The following APBB1IP variants were observed in gnomAD, a reference collection of about 807,000 sequenced individuals.
APBB1IP encodes amyloid beta precursor protein binding family B member 1 interacting protein, also known as amyloid beta A4 precursor protein-binding family B member 1-interacting protein.
In APBB1IP, 27 loss-of-function variants were observed where a neutral mutation model predicts 64.9. The observed-to-expected ratio is 0.42, with a 90% CI of 0.31 to 0.57. The LOEUF (loss-of-function observed/expected upper bound fraction) is 0.57, where lower values mean the gene tolerates loss of function less well. Among genes scored for constraint, APBB1IP ranks in the 20% least tolerant of loss-of-function variants. The probability of loss-of-function intolerance (pLI) is 0.20; values close to 1 mark genes in which losing one functional copy is unlikely to be tolerated. For missense variants in APBB1IP, 812 were observed against 845.5 expected, an observed-to-expected ratio of 0.96 and a Z score of 0.49; for synonymous variants, 392 against 331.0, an observed-to-expected ratio of 1.18 and a Z score of -2.00.
chr10:26,534,294 C>CAAAAAAAAAAAAAAAAA (rs71403804), intron 9 of APBB1IP, among the ~76,000 whole-genome samples: 1 of 58,692 alleles, frequency 1.7e-5, no homozygotes, highest in Non-Finnish European at 3.1e-5. Context: ...GATCCAGTCT[C>CAAAAAAAAAAAAAAAAA]AAAAAAAAAA....
At position 26,567,248 on chromosome 10, in the gene APBB1IP, G is replaced by A; in HGVS notation, c.1761G>A (p.Pro587=). The part of the protein sequence containing the change: ...EPPPDFVPPP[P]PSYAGIAGSE... ...CCCCAGACTTCGTGCCCCCGCCCCC[G>A]CCGTCGTACGCAGGGATCGCGGGCT... The change falls in exon 15 of 15, where the codon CCG becomes CCA. Residue 587 remains proline, a synonymous_variant. Transcript: ENST00000376236. The A allele has an allele frequency of 2.6e-6, 3 of 1,139,712 alleles. No individual in the cohort carries two copies. The highest frequency in any genetic ancestry group is 1.9e-5 in the South Asian group (1 of 51,658). 70.6% of individuals were successfully genotyped at this position (1,139,712 alleles called of 1,614,324 possible). A position where few individuals can be genotyped will look rare whatever the true frequency, so the allele number is the denominator to read the frequency against.
chr10:26,479,687 A>G (rs1357106402), intron 2 of APBB1IP, among the ~76,000 whole-genome samples: 2 of 152,176 alleles, frequency 1.3e-5, no homozygotes, highest in Non-Finnish European at 2.9e-5. Context: ...TTGCTGATGT[A>G]TTTTTGCTAC....
intron 2 of APBB1IP, among the ~76,000 whole-genome samples, chr10:26,484,236 CAAG>C (rs1835866639): frequency 6.6e-6 from 1 of 152,058 alleles, no homozygotes; most frequent in African/African-American, 2.4e-5. Context: ...TTGATAATCA[CAAG>C]AAGAGAAAAA....
chr10:26,555,605 T>TTTTG (rs915948229), intron 11 of APBB1IP, among the ~76,000 whole-genome samples: 2 of 152,144 alleles, frequency 1.3e-5, no homozygotes, highest in African/African-American at 4.8e-5. Context: ...TTTGTTGTTT[T>TTTTG]TTTGTTTGTT....
At chr10:26,476,152 G>A (rs1835772865) in intron 2 of APBB1IP, among the ~76,000 whole-genome samples, 1 of 151,102 alleles carries the variant, frequency 6.6e-6, no homozygotes, top group South Asian at 2.1e-4. Context: ...TCCGCCTCCC[G>A]GGTTCAATCT....
chr10:26,545,473 A>G (rs1836748316), intron 11 of APBB1IP, among the ~76,000 whole-genome samples: 1 of 151,274 alleles, frequency 6.6e-6, no homozygotes, highest in South Asian at 2.1e-4. Flanking sequence ...AAAAATACAA[A>G]AATTAGGCCG....
chr10:26,501,272 C>T (rs545423272), intron 5 of APBB1IP, 161 bp downstream of exon 5: 23 of 968,206 alleles, frequency 2.4e-5, no homozygotes, highest in Admixed American at 5.2e-5. Context: ...TAGAACCCTC[C>T]GTAAGCAAGC....
At chr10:26,487,193 G>C (rs796552671) in intron 2 of APBB1IP, among the ~76,000 whole-genome samples, 3 of 138,812 alleles carry the variant, frequency 2.2e-5, no homozygotes, top group African/African-American at 9.9e-5. Flanking sequence ...TGTCAGGGCT[G>C]GGTGTTTTTT....
At position 26,457,079 on chromosome 10, in the gene APBB1IP, G is replaced by A. The variant is rs533495373; in HGVS notation, c.-1+18226G>A. ...TTTTGGGTGTTTGTTTCTTTAGCAA[G>A]AGAGGGATACTATCTGAAAAGAGGA... is the stretch of plus-strand genomic sequence containing the variant. On this transcript the variant is annotated intron_variant, in intron 2 of 14. Coordinates refer to ENST00000376236, the MANE Select transcript of APBB1IP (RefSeq NM_019043.4). Among the ~76,000 whole-genome samples the A allele has an allele frequency of 2.6e-5, 4 of 152,300 alleles. No individual in the cohort carries two copies. In the South Asian group the frequency reaches 8.3e-4, roughly 32 times the overall value.
intron 2 of APBB1IP, among the ~76,000 whole-genome samples, chr10:26,474,194 A>T (rs932113738): frequency 6.6e-6 from 1 of 152,116 alleles, no homozygotes; most frequent in African/African-American, 2.4e-5. Flanking sequence ...CAGAGAGTGT[A>T]TGAAGTGGTG....
intron 4 of APBB1IP, among the ~76,000 whole-genome samples, chr10:26,497,464 T>C (rs1283168703): frequency 6.7e-6 from 1 of 150,138 alleles, no homozygotes; most frequent in African/African-American, 2.4e-5. Flanking sequence ...GGCAGGAGAA[T>C]GGTGTGAACC....
chr10:26,465,080 G>A (rs893136209), intron 2 of APBB1IP, among the ~76,000 whole-genome samples: 1 of 152,200 alleles, frequency 6.6e-6, no homozygotes, highest in Non-Finnish European at 1.5e-5. Context: ...CTGTAAGAGA[G>A]AAATGAAAAA....
chr10:26,443,560 AT>A (rs1835360130), intron 2 of APBB1IP, among the ~76,000 whole-genome samples: 1 of 152,024 alleles, frequency 6.6e-6, no homozygotes, highest in Non-Finnish European at 1.5e-5. Flanking sequence ...TCATTCATTC[AT>A]TTTTGAGACA....
At chr10:26,501,304 T>G (rs916385937) in intron 5 of APBB1IP, 193 bp downstream of exon 5, 16 of 680,256 alleles carry the variant, frequency 2.4e-5, no homozygotes, top group Non-Finnish European at 3.8e-5. Context: ...GTATCAAGAA[T>G]GTATTAGGGC....
chr10:26,556,647 T>C (rs1016727681), intron 11 of APBB1IP, among the ~76,000 whole-genome samples: 2 of 152,238 alleles, frequency 1.3e-5, no homozygotes. Flanking sequence ...AATGGCTAAC[T>C]CTATATAAGC....
At chr10:26,469,499 C>T (rs1454069142) in intron 2 of APBB1IP, among the ~76,000 whole-genome samples, 1 of 152,180 alleles carries the variant, frequency 6.6e-6, no homozygotes, top group Non-Finnish European at 1.5e-5. Flanking sequence ...GATCCATCTG[C>T]CTGGCCTCCC....
chr10:26,509,761 C>T (rs1290147600), intron 6 of APBB1IP: 2 of 152,122 alleles, frequency 1.3e-5, no homozygotes, highest in African/African-American at 4.8e-5. Flanking sequence ...TATGGTTTCT[C>T]TCTCCTTTTT....
intron 11 of APBB1IP, among the ~76,000 whole-genome samples, chr10:26,544,762 G>C (rs1279017224): frequency 2.0e-5 from 3 of 152,196 alleles, no homozygotes; most frequent in Non-Finnish European, 4.4e-5. Flanking sequence ...ACCTACAATT[G>C]GCAGGACTTG....
chr10:26,472,383 G>T lies in APBB1IP; in HGVS notation c.1-19944G>T, dbSNP rs112050205. ...AGGAAAGCATTTTACAATCGCTATG[G>T]TCTGTATGGACCCACCTTCTCCTCA... On this transcript the variant is annotated intron_variant, in intron 2 of 14. Transcript: ENST00000376236. Among the ~76,000 whole-genome samples the T allele has an allele frequency of 5.7e-3, 863 of 152,292 alleles. 5 individuals carry two copies. The highest frequency in any genetic ancestry group is 9.3e-3 in the Non-Finnish European group (636 of 68,036).
Sources: allele counts gnomAD v4.1 joint callset (sites outside exome capture counted in the v4.1 genomes callset), GRCh38; gene constraint gnomAD v4.1.1; transcripts MANE v1.5; gene names NCBI Gene and HGNC (gene_info 2026-07-23, HGNC 2026-07-21).